The following EFCAB12 variants were observed in gnomAD, a reference collection of about 807,000 sequenced individuals.
The protein encoded by EFCAB12 is EF-hand calcium-binding domain-containing protein 12.
EFCAB12 carries 43 observed loss-of-function variants against 53.6 expected under a neutral mutation model. That is an observed-to-expected ratio of 0.80 (90% confidence interval 0.63 to 1.03). EFCAB12 has a LOEUF of 1.03. EFCAB12 is among the 50% of genes least tolerant of loss of function. The pLI is 0.00. For missense variants in EFCAB12, 646 were observed against 730.6 expected, an observed-to-expected ratio of 0.88 and a Z score of 1.34; for synonymous variants, 269 against 289.2, an observed-to-expected ratio of 0.93 and a Z score of 0.71.
At chr3:129,412,748 C>A (rs1334140465) in intron 4 of EFCAB12, 1 of 152,352 alleles carries the variant, frequency 6.6e-6, no homozygotes, top group Admixed American at 6.5e-5. Flanking sequence ...AGACTAGTTC[C>A]TGTCAATCAC....
At position 129,411,347 on chromosome 3, in the gene EFCAB12, G is replaced by A. The variant is rs746212714; in HGVS notation, c.846C>T (p.Ile282=). The A allele has an allele frequency of 6.3e-7, 1 of 1,575,038 alleles. No homozygotes were observed. Among genetic ancestry groups the A allele is most frequent in the Non-Finnish European group, 8.6e-7 (1 of 1,157,364 alleles). The change falls in exon 5 of 9, where the codon ATC becomes ATT. Residue 282 remains isoleucine (I), a synonymous_variant. Transcript: ENST00000505956. ...SSLATAREHY[I]LAKHRDSLKG... is the part of the protein sequence containing the mutation. ...TCAGGGAATCTCTGTGCTTGGCCAA[G>A]ATATAATCTGGAGTCAGAGGGAAGA...
intron 1 of EFCAB12, among the ~76,000 whole-genome samples, chr3:129,422,063 G>A (rs2072196252): frequency 6.6e-6 from 1 of 152,124 alleles, no homozygotes; most frequent in Admixed American, 6.5e-5. Context: ...CCTCCCATTG[G>A]CAATCAGAAT....
At chr3:129,421,099 G>A (rs2072181808) in intron 2 of EFCAB12, among the ~76,000 whole-genome samples, 1 of 152,264 alleles carries the variant, frequency 6.6e-6, no homozygotes, top group Non-Finnish European at 1.5e-5. Flanking sequence ...GAGAGACTCT[G>A]AGCCAGAGCG....
At chr3:129,422,726 G>C (rs1056659388) in intron 1 of EFCAB12, among the ~76,000 whole-genome samples, 2 of 152,152 alleles carry the variant, frequency 1.3e-5, no homozygotes, top group Admixed American at 1.3e-4. Flanking sequence ...GTCTTGTTTT[G>C]TTTGACAACT....
intron 2 of EFCAB12, among the ~76,000 whole-genome samples, chr3:129,420,048 T>C (rs1216718039): frequency 6.6e-6 from 1 of 152,236 alleles, no homozygotes. Context: ...TACAGCTGCA[T>C]TTCTAACCCA....
intron 2 of EFCAB12, among the ~76,000 whole-genome samples, chr3:129,420,252 A>G (rs2072172395): frequency 6.6e-6 from 1 of 152,248 alleles, no homozygotes; most frequent in South Asian, 2.1e-4. Flanking sequence ...TATGTGCCCA[A>G]TAGCGTCCTA....
rs2071888328 is a variant in EFCAB12 at position 129,402,646 on chromosome 3, T to G, written c.1404-67A>C. 5.3e-6 allele frequency: 8 copies of G among 1,518,636 alleles called. No individual in the cohort carries two copies. The Admixed American group carries it at 1.1e-4, about 21-fold the overall frequency. 94.1% of individuals were successfully genotyped at this position (1,518,636 alleles called of 1,614,324 possible). ...TCCAGGCCAATGGGGCTTTAGGGAG[T>G]AGGTCAGGGCCGCAGGGGTGGACCC... On this transcript the variant is annotated intron_variant, in intron 7 of 8. Transcript: ENST00000505956.
chr3:129,421,343 C>A, intron 2 of EFCAB12, 24 bp downstream of exon 2: 2 of 1,582,982 alleles, frequency 1.3e-6, no homozygotes, highest in Non-Finnish European at 1.7e-6. Context: ...TTGGTGTCTT[C>A]ATCTGGCAAA....
At chr3:129,406,473 A>G (rs2071952267) in intron 6 of EFCAB12, among the ~76,000 whole-genome samples, 1 of 152,064 alleles carries the variant, frequency 6.6e-6, no homozygotes, top group Non-Finnish European at 1.5e-5. Context: ...TTAGAATGTG[A>G]TGTGTGTGTG....
intron 6 of EFCAB12, among the ~76,000 whole-genome samples, chr3:129,404,741 G>A (rs2071926412): frequency 6.6e-6 from 1 of 152,016 alleles, no homozygotes; most frequent in South Asian, 2.1e-4. Context: ...CCAAGGCCCC[G>A]GTGCAACGAG....
chr3:129,408,717 GA>G lies in EFCAB12; in HGVS notation c.1176del (p.Leu393TrpfsTer17). 6.3e-7 allele frequency: 1 copy of G among 1,588,602 alleles called. No homozygotes were observed. The highest frequency in any genetic ancestry group is 8.6e-7 in the Non-Finnish European group (1 of 1,166,656). On this transcript the variant is annotated frameshift_variant, in exon 6 of 9. Transcript: ENST00000505956. LOFTEE classifies it high-confidence loss of function. ...ELIDSARRHNFLVYLQCWKLC... is the reference protein window; with the variant it reads ...ELIDSARRHNXLVYLQCWKLC... ...AGCTTCCAGCATTGCAGGTAGACCA[GA>G]AAGTTGTGCCTGCGGGCCGAGTCAA...
rs2071919430 is a variant in EFCAB12 at position 129,404,400 on chromosome 3, A to G, written c.1253T>C (p.Leu418Ser). 6.2e-7 allele frequency: 1 copy of G among 1,612,642 alleles called. No individual in the cohort carries two copies. Among genetic ancestry groups the G allele is most frequent in the Non-Finnish European group, 8.5e-7 (1 of 1,179,390 alleles). Reference sequence around the variant, plus strand: ...AATGATCTTGTCTCCTGGGTACAGCAAGGCTGTGGACAGCAAGAGAAACAT... The same window carrying G: ...AATGATCTTGTCTCCTGGGTACAGCGAGGCTGTGGACAGCAAGAGAAACAT... ...PLTEDILMKALLYPGDKIIFQ... is the reference protein window; with the variant it reads ...PLTEDILMKASLYPGDKIIFQ... The change falls in exon 7 of 9, where the codon TTG becomes TCG. Residue 418 changes from leucine to serine, a missense_variant. Transcript: ENST00000505956.
intron 1 of EFCAB12, among the ~76,000 whole-genome samples, chr3:129,425,194 C>T (rs1451184890): frequency 6.6e-6 from 1 of 152,152 alleles, no homozygotes; most frequent in African/African-American, 2.4e-5. Flanking sequence ...CTTGCTGCTC[C>T]CATTTGGGTC....
At position 129,402,557 on chromosome 3, in the gene EFCAB12, T is replaced by G. The variant is rs765171970; in HGVS notation, c.1426A>C (p.Lys476Gln). ...TCCTCAAACTCCTTAAAGCGCATTT[T>G]CTTGCTTTTCTTTGGCGTTTTCCTA... The part of the protein sequence containing the change: ...TDKKTPKKSK[K>Q]MRFKEFEEFT... The change falls in exon 8 of 9, where the codon AAA becomes CAA. Residue 476 changes from lysine (K) to glutamine (Q), a missense_variant. Lys to Gln is a moderately conservative substitution (Grantham distance 53, BLOSUM62 1). Coordinates refer to ENST00000505956, the MANE Select transcript of EFCAB12 (RefSeq NM_207307.3). 6.2e-7 allele frequency: 1 copy of G among 1,613,106 alleles called. No homozygotes were observed. The highest frequency in any genetic ancestry group is 1.1e-5 in the South Asian group (1 of 90,838).
rs140620659 is a variant in EFCAB12 at position 129,421,358 on chromosome 3, G to A, written c.486+9C>T. The A allele has an allele frequency of 2.5e-4, 403 of 1,595,888 alleles. 1 individual carries two copies. In the African/African-American group the frequency reaches 3.4e-3, roughly 14 times the overall value. On this transcript the variant is annotated intron_variant, in intron 2 of 8. Transcript: ENST00000505956. ...TTGGTGTCTTCATCTGGCAAATGGG[G>A]CTGCTCACCCTGGTGGTCCTGGTAG...
chr3:129,402,627 C>A (rs760191272), intron 7 of EFCAB12, 48 bp from the exon 8 acceptor site: 2 of 1,585,778 alleles, frequency 1.3e-6, no homozygotes, highest in Non-Finnish European at 1.7e-6. Flanking sequence ...GAAATCCAGG[C>A]CAATGGGGCT....
chr3:129,405,315 C>T (rs1341740341), intron 6 of EFCAB12, among the ~76,000 whole-genome samples: 1 of 152,112 alleles, frequency 6.6e-6, no homozygotes, highest in Non-Finnish European at 1.5e-5. Context: ...GGAAGTTACG[C>T]TCCAGCGAGT....
intron 4 of EFCAB12, chr3:129,414,481 A>C (rs1030013396): frequency 6.6e-6 from 1 of 152,246 alleles, no homozygotes; most frequent in African/African-American, 2.4e-5. Context: ...GAACAGAGCA[A>C]GATTTGTTTC....
In EFCAB12 at chr3:129,421,370, G is replaced by C; in HGVS notation, c.483C>G (p.Thr161=). 1 of 1,603,702 alleles carries C rather than the reference G, an allele frequency of 6.2e-7. No homozygotes were observed. The highest frequency in any genetic ancestry group is 2.2e-5 in the East Asian group (1 of 44,602). ...PNASQATTRT[T]RKKAPRLSRL... The stretch of plus-strand genomic sequence containing the variant: ...TCTGGCAAATGGGGCTGCTCACCCT[G>C]GTGGTCCTGGTAGTTGCCTGGGAGG... Residue 161 remains threonine (T), a synonymous_variant, in exon 2 of 9, where the codon ACC becomes ACG. Transcript: ENST00000505956.
Sources: gnomAD v4.1 joint callset for allele counts (sites outside exome capture counted in the v4.1 genomes callset) on GRCh38, gnomAD v4.1.1 for gene constraint, MANE v1.5 for transcripts, NCBI Gene and HGNC (gene_info 2026-07-23, HGNC 2026-07-21) for gene names.